Variants in CRTAM observed in about 807,000 individuals in gnomAD.
CRTAM encodes the protein cytotoxic and regulatory T cell molecule, also known as cytotoxic and regulatory T-cell molecule.
CRTAM carries 44 observed loss-of-function variants against 50.0 expected under a neutral mutation model. That is an observed-to-expected ratio of 0.88 (90% CI 0.69 to 1.13). The LOEUF (loss-of-function observed/expected upper bound fraction) is 1.13, where lower values mean the gene tolerates loss of function less well. Ranked by LOEUF, CRTAM falls within the 50% of genes most tolerant of loss-of-function variation. The pLI, the probability that CRTAM is intolerant of heterozygous loss-of-function variation, is 0.00. For synonymous variants in CRTAM, 159 were observed against 169.3 expected (o/e 0.94, Z 0.47); for missense variants, 448 against 457.5 (o/e 0.98, Z 0.19).
intron 3 of CRTAM, 113 bp downstream of exon 3, chr11:122,851,958 T>C: frequency 1.2e-6 from 1 of 867,208 alleles, no homozygotes; most frequent in East Asian, 2.7e-5. Context: ...AGGAATTGCC[T>C]GGGACACCTC....
At position 122,867,497 on chromosome 11, in the gene CRTAM, C is replaced by A; in HGVS notation, c.906C>A (p.Phe302Leu). ...TGTCCTTCCTCATTTTCATACTCTT[C>A]ATCATAGTCCAGCTCTTCATCATGA... is the stretch of plus-strand genomic sequence containing the variant. ...TLVSFLIFIL[F>L]IIVQLFIMKL... Residue 302 changes from phenylalanine (F) to leucine (L), a missense_variant, in exon 8 of 10, where the codon TTC becomes TTA. By Grantham distance (22) the Phe-to-Leu change is conservative (BLOSUM62 0). Coordinates refer to ENST00000227348, the MANE Select transcript of CRTAM (RefSeq NM_019604.4). 6.2e-7 allele frequency: 1 copy of A among 1,614,090 alleles called. No homozygotes were observed.
At chr11:122,871,042 G>A (rs1862245786) in intron 9 of CRTAM, among the ~76,000 whole-genome samples, 1 of 152,050 alleles carries the variant, frequency 6.6e-6, no homozygotes. Context: ...TCACACCACT[G>A]CACTTCAGCC....
At position 122,863,343 on chromosome 11, in the gene CRTAM, AAGAAAGAAAAAG is replaced by A. The variant is rs1442530547; in HGVS notation, c.733+801_733+812del. Among the ~76,000 whole-genome samples the A allele has an allele frequency of 1.6e-3, 126 of 76,870 alleles. 1 individual carries two copies. Among genetic ancestry groups the A allele is most frequent in the Non-Finnish European group, 3.1e-3 (79 of 25,768 alleles). The allele number at this position is 76,870 out of a possible 152,430, so 50.4% of individuals were successfully genotyped here. On this transcript the variant is annotated intron_variant, in intron 6 of 9. Transcript: ENST00000227348. ...AGAAAAAGAAAGAAAGAAAGAAAGA[AAGAAAGAAAAAG>A]AAAGAAAGAAAGAAAAAGAAAGAAA...
chr11:122,853,913 A>T (rs752455403), intron 3 of CRTAM, 30 bp from the exon 4 acceptor site: 1 of 1,610,006 alleles, frequency 6.2e-7, no homozygotes, highest in Non-Finnish European at 8.5e-7. Context: ...CTCATATCTA[A>T]TTAACACAGA....
intron 1 of CRTAM, among the ~76,000 whole-genome samples, chr11:122,839,079 C>T (rs1398437607): frequency 6.6e-6 from 1 of 151,918 alleles, no homozygotes; most frequent in Non-Finnish European, 1.5e-5. Context: ...CAGGTGCCCG[C>T]CACCACCACG....
intron 3 of CRTAM, among the ~76,000 whole-genome samples, chr11:122,853,198 GCTGGGA>G (rs1313082403): frequency 6.6e-6 from 1 of 151,744 alleles, no homozygotes; most frequent in Non-Finnish European, 1.5e-5. Context: ...CTCCCGAGTA[GCTGGGA>G]CTACAGGCGT....
chr11:122,844,989 G>A (rs142629251), intron 1 of CRTAM, among the ~76,000 whole-genome samples: 12 of 152,310 alleles, frequency 7.9e-5, no homozygotes, highest in Admixed American at 2.0e-4. Context: ...TAGGCTTTCA[G>A]ACTTCTAACT....
chr11:122,844,684 C>T (rs988035517), intron 1 of CRTAM, among the ~76,000 whole-genome samples: 1 of 152,144 alleles, frequency 6.6e-6, no homozygotes, highest in African/African-American at 2.4e-5. Context: ...AAAACATAGC[C>T]GTTGTCCTCT....
chr11:122,850,163 C>T lies in CRTAM; in HGVS notation c.142C>T (p.Leu48Phe), dbSNP rs1255316986. 1 of 1,613,620 alleles carries T rather than the reference C, an allele frequency of 6.2e-7. No homozygotes were observed. Among genetic ancestry groups the T allele is most frequent in the Non-Finnish European group, 8.5e-7 (1 of 1,179,626 alleles). Residue 48 changes from leucine (L) to phenylalanine (F), a missense_variant, in exon 2 of 10, where the codon CTC becomes TTC. Leu to Phe is a conservative substitution (Grantham distance 22, BLOSUM62 0). Transcript: ENST00000227348. ...CACTTCTCTGAGGAAGAACTCCTCCCTCCAGTGGCTGACCCCCTCAGGGTT... is the reference window on the plus strand; with the variant it reads ...CACTTCTCTGAGGAAGAACTCCTCCTTCCAGTGGCTGACCCCCTCAGGGTT... ...CVTSLRKNSS[L>F]QWLTPSGFTI...
At chr11:122,855,195 C>T (rs1280821682) in intron 4 of CRTAM, among the ~76,000 whole-genome samples, 2 of 152,156 alleles carry the variant, frequency 1.3e-5, no homozygotes, top group African/African-American at 2.4e-5. Flanking sequence ...CCAACTGCCT[C>T]GGCCTCCCAG....
At chr11:122,863,325 GAAAGAAAGAAAGAAAGAAAGAAAGAA>G (rs1565292716) in intron 6 of CRTAM, among the ~76,000 whole-genome samples, 3 of 61,936 alleles carry the variant, frequency 4.8e-5, no homozygotes, top group East Asian at 1.2e-3. Context: ...GAAAGAAAAA[GAAAGAAAGAAAGAAAGAAAGAAAGAA>G]AAAGAAAGAA....
rs576817523 is a variant in CRTAM, at chr11:122,858,759, C to T, written c.652+2903C>T. ...GCCCAGGCTGGTCTGAACTCCTGGG[C>T]TTAAGTAATCCTCCCTCATCGGCCA... On this transcript the variant is annotated intron_variant, in intron 5 of 9. Transcript: ENST00000227348. 3.3e-5 allele frequency among the ~76,000 whole-genome samples: 5 copies of T among 152,244 alleles called. No homozygotes were observed. The South Asian group carries it at 1.0e-3, about 32-fold the overall frequency.
At chr11:122,840,385 A>G (rs1296229575) in intron 1 of CRTAM, among the ~76,000 whole-genome samples, 1 of 152,176 alleles carries the variant, frequency 6.6e-6, no homozygotes, top group African/African-American at 2.4e-5. Flanking sequence ...TAAAGCACAT[A>G]GTAAAAGTAT....
intron 1 of CRTAM, among the ~76,000 whole-genome samples, chr11:122,843,329 C>T (rs942055448): frequency 6.6e-6 from 1 of 152,176 alleles, no homozygotes; most frequent in Non-Finnish European, 1.5e-5. Flanking sequence ...CTAGCAATCT[C>T]ATAACATATG....
chr11:122,867,482 C>T lies in CRTAM; in HGVS notation c.891C>T (p.Leu297=), dbSNP rs768929111. 1 of 1,614,072 alleles carries T rather than the reference C, an allele frequency of 6.2e-7. No homozygotes were observed. Among genetic ancestry groups the T allele is most frequent in the South Asian group, 1.1e-5 (1 of 91,074 alleles). The change falls in exon 8 of 10, where the codon CTC becomes CTT. Residue 297 remains leucine, a synonymous_variant. Transcript: ENST00000227348. ...TGCTGCTCACGCTGGTGTCCTTCCT[C>T]ATTTTCATACTCTTCATCATAGTCC... The part of the protein sequence containing the change: ...GILLLTLVSF[L]IFILFIIVQL...
Position 122,867,505 on chromosome 11 carries a change from T to C in CRTAM, c.914T>C (p.Val305Ala), listed in dbSNP as rs1046615719. ...CTCATTTTCATACTCTTCATCATAG[T>C]CCAGCTCTTCATCATGAAGCTGAGG... The part of the protein sequence containing the change: ...SFLIFILFII[V>A]QLFIMKLRKA... Residue 305 changes from valine to alanine, a missense_variant, in exon 8 of 10, where the codon GTC becomes GCC. Coordinates refer to ENST00000227348, the MANE Select transcript of CRTAM (RefSeq NM_019604.4). The C allele has an allele frequency of 6.2e-7, 1 of 1,614,088 alleles. No homozygotes were observed. Among genetic ancestry groups the C allele is most frequent in the African/African-American group, 1.3e-5 (1 of 75,030 alleles).
In CRTAM at chr11:122,855,743, C is replaced by T. The variant is rs749710647; in HGVS notation, c.539C>T (p.Thr180Ile). Residue 180 changes from threonine to isoleucine, a missense_variant, in exon 5 of 10, where the codon ACC (threonine) becomes ATC (isoleucine). Transcript: ENST00000227348. ...FETDGKKCNT[T>I]STLIIHTYGK... ...ACTGATGGGAAGAAATGTAATACTA[C>T]CAGCACTCTCATAATCCACACTTAT... 1 of 1,613,792 alleles carries T rather than the reference C, an allele frequency of 6.2e-7. No homozygotes were observed. The highest frequency in any genetic ancestry group is 8.5e-7 in the Non-Finnish European group (1 of 1,179,772).
chr11:122,842,055 GA>G (rs1403889786), intron 1 of CRTAM, among the ~76,000 whole-genome samples: 1 of 152,144 alleles, frequency 6.6e-6, no homozygotes, highest in Non-Finnish European at 1.5e-5. Flanking sequence ...GAATATCATA[GA>G]AAAAGACAAA....
rs756972253 is a variant in CRTAM, at chr11:122,854,046, G to A, written c.450G>A (p.Pro150=). The stretch of plus-strand genomic sequence containing the variant: ...CCACCATGAGAAGCAAGCCCCCTCC[G>A]CAGATAACCTGGCTACTTGGGAATA... ...MCSTMRSKPP[P]QITWLLGNSM... is the part of the protein sequence containing the mutation. The change falls in exon 4 of 10, where the codon CCG becomes CCA. Residue 150 remains proline, a synonymous_variant. Coordinates refer to ENST00000227348, the MANE Select transcript of CRTAM (RefSeq NM_019604.4). 4.3e-6 allele frequency: 7 copies of A among 1,613,868 alleles called. No homozygotes were observed. Among genetic ancestry groups the A allele is most frequent in the East Asian group, 2.2e-5 (1 of 44,886 alleles).
Sources: allele counts gnomAD v4.1 joint callset (sites outside exome capture counted in the v4.1 genomes callset), GRCh38; gene constraint gnomAD v4.1.1; transcripts MANE v1.5; gene names NCBI Gene and HGNC (gene_info 2026-07-23, HGNC 2026-07-21).